CREB5: variants seen among roughly 807,000 people sequenced by gnomAD.
The protein encoded by CREB5 is cAMP responsive element binding protein 5, also known as cyclic AMP-responsive element-binding protein 5.
In CREB5, 19 loss-of-function variants were observed where a neutral mutation model predicts 57.1. That is an observed-to-expected ratio of 0.33 (90% confidence interval 0.23 to 0.49). The LOEUF (loss-of-function observed/expected upper bound fraction) is 0.49, where lower values mean the gene tolerates loss of function less well. Among genes scored for constraint, CREB5 ranks in the 20% least tolerant of loss-of-function variants. The probability of loss-of-function intolerance (pLI) is 0.99; values close to 1 mark genes in which losing one functional copy is unlikely to be tolerated. For synonymous variants in CREB5, 238 were observed against 238.3 expected (o/e 1.00, Z 0.01); for missense variants, 579 against 671.6 (o/e 0.86, Z 1.52).
chr7:28,630,219 C>T (rs28234), intron 5 of CREB5, among the ~76,000 whole-genome samples: 38,144 of 152,172 alleles, frequency 0.25, 4,914 homozygotes, highest in East Asian at 0.38. Context: ...TCAATCTCTT[C>T]TCCCAAATGA....
chr7:28,354,042 CA>C (rs1271705208), intron 1 of CREB5, among the ~76,000 whole-genome samples: 2 of 152,096 alleles, frequency 1.3e-5, no homozygotes, highest in Non-Finnish European at 2.9e-5. Flanking sequence ...GAATTTTTAG[CA>C]GAAGAGGGAC....
At position 28,603,419 on chromosome 7, in the gene CREB5, C is replaced by T. The variant is rs756617929; in HGVS notation, c.464+32882C>T. Among the ~76,000 whole-genome samples the T allele has an allele frequency of 6.6e-5, 10 of 152,288 alleles. 1 individual carries two copies. The highest frequency in any genetic ancestry group is 3.9e-4 in the Admixed American group (6 of 15,300). ...CCTATTTGTTGAGGCCTTTTGATCA[C>T]ATTGAAAGTAAAATTGGGCAGTCAC... On this transcript the variant is annotated intron_variant, in intron 5 of 10. Transcript: ENST00000357727.
In CREB5 at chr7:28,608,856, A is replaced by G. The variant is rs143939862; in HGVS notation, c.464+38319A>G. On this transcript the variant is annotated intron_variant, in intron 5 of 10. Transcript: ENST00000357727. ...CTAAGTATTGTCTGGCTCAAATAAGAGAAGAAGAGGATCATGACATTTCTT... is the reference window on the plus strand; with the variant it reads ...CTAAGTATTGTCTGGCTCAAATAAGGGAAGAAGAGGATCATGACATTTCTT... Among the ~76,000 whole-genome samples, 159 of 152,296 alleles carry G rather than the reference A, an allele frequency of 1.0e-3. 2 individuals carry two copies. Among genetic ancestry groups the G allele is most frequent in the African/African-American group, 3.5e-3 (147 of 41,578 alleles).
At chr7:28,348,436 AC>A (rs1786119159) in intron 1 of CREB5, among the ~76,000 whole-genome samples, 1 of 151,630 alleles carries the variant, frequency 6.6e-6, no homozygotes, top group Non-Finnish European at 1.5e-5. Context: ...ACACACACAC[AC>A]ACACACAGAC....
intron 5 of CREB5, among the ~76,000 whole-genome samples, chr7:28,677,781 C>T (rs923453777): frequency 2.6e-5 from 4 of 151,940 alleles, no homozygotes; most frequent in Non-Finnish European, 5.9e-5. Context: ...GGGAGGCTGA[C>T]GTGGGAATAT....
intron 1 of CREB5, among the ~76,000 whole-genome samples, chr7:28,389,030 T>A (rs919619685): frequency 6.6e-6 from 1 of 152,186 alleles, no homozygotes; most frequent in East Asian, 1.9e-4. Flanking sequence ...CCACTAATCA[T>A]GGAGAGGAAC....
chr7:28,658,742 T>C (rs1339471958), intron 5 of CREB5, among the ~76,000 whole-genome samples: 1 of 151,724 alleles, frequency 6.6e-6, no homozygotes, highest in Non-Finnish European at 1.5e-5. Flanking sequence ...CCATGTTGAG[T>C]CGCCAGTTTT....
chr7:28,519,759 GA>G (rs2128614756), intron 4 of CREB5, among the ~76,000 whole-genome samples: 1 of 152,260 alleles, frequency 6.6e-6, no homozygotes, highest in South Asian at 2.1e-4. Context: ...TATTTCGCAG[GA>G]AAAACATCTG....
At chr7:28,585,496 C>T (rs764478140) in intron 5 of CREB5, among the ~76,000 whole-genome samples, 9 of 152,166 alleles carry the variant, frequency 5.9e-5, no homozygotes, top group Non-Finnish European at 1.0e-4. Context: ...ATTTTCGTGA[C>T]CGATCAGAGT....
chr7:28,607,218 G>A (rs1290830407), intron 5 of CREB5, among the ~76,000 whole-genome samples: 3 of 152,200 alleles, frequency 2.0e-5, no homozygotes, highest in East Asian at 1.9e-4. Flanking sequence ...TACAGAGAGT[G>A]TAGCTGATTG....
At chr7:28,376,891 A>G (rs928622438) in intron 1 of CREB5, among the ~76,000 whole-genome samples, 1 of 152,192 alleles carries the variant, frequency 6.6e-6, no homozygotes, top group African/African-American at 2.4e-5. Flanking sequence ...CTTCTTAGAA[A>G]AGGTTGGCTG....
chr7:28,529,801 A>G (rs1275147048), intron 4 of CREB5, among the ~76,000 whole-genome samples: 1 of 152,162 alleles, frequency 6.6e-6, no homozygotes, highest in East Asian at 1.9e-4. Context: ...CCTCAACCCA[A>G]CTTCAAGACA....
At chr7:28,339,192 G>C (rs1478278325) in intron 1 of CREB5, among the ~76,000 whole-genome samples, 1 of 152,100 alleles carries the variant, frequency 6.6e-6, no homozygotes, top group Admixed American at 6.5e-5. Flanking sequence ...ATGTTTGTCA[G>C]TGTCTGGGAA....
At chr7:28,795,755 C>CTTTT (rs367853221) in intron 7 of CREB5, among the ~76,000 whole-genome samples, 17,376 of 137,274 alleles carry the variant, frequency 0.13, 1,340 homozygotes, top group African/African-American at 0.19. Flanking sequence ...GTTTTTCTTT[C>CTTTT]TTTTTTTTTT....
chr7:28,424,114 A>T (rs989531597), intron 1 of CREB5, among the ~76,000 whole-genome samples: 12 of 152,122 alleles, frequency 7.9e-5, no homozygotes, highest in Non-Finnish European at 1.5e-4. Context: ...TTCCCTTCGC[A>T]TATCTGTCTC....
chr7:28,629,948 C>G (rs1299950975), intron 5 of CREB5, among the ~76,000 whole-genome samples: 3 of 152,140 alleles, frequency 2.0e-5, no homozygotes, highest in Admixed American at 6.5e-5. Context: ...AACATGGACT[C>G]TCAATGTTGG....
At chr7:28,557,463 A>G (rs1217876675) in intron 4 of CREB5, among the ~76,000 whole-genome samples, 2 of 152,044 alleles carry the variant, frequency 1.3e-5, no homozygotes, top group East Asian at 1.9e-4. Context: ...AAATAGAACC[A>G]TTAGGTTTTC....
intron 5 of CREB5, among the ~76,000 whole-genome samples, chr7:28,583,302 A>G (rs1281157939): frequency 1.3e-5 from 2 of 152,232 alleles, no homozygotes; most frequent in Non-Finnish European, 2.9e-5. Flanking sequence ...TTAAAGATCA[A>G]TTTCCGGGAG....
intron 4 of CREB5, among the ~76,000 whole-genome samples, chr7:28,560,683 G>A (rs1392199995): frequency 6.6e-6 from 1 of 152,002 alleles, no homozygotes; most frequent in Non-Finnish European, 1.5e-5. Flanking sequence ...AGTTCAGCAG[G>A]ATCATGTGTT....
Sources: gnomAD v4.1 joint callset for allele counts (sites outside exome capture counted in the v4.1 genomes callset) on GRCh38, gnomAD v4.1.1 for gene constraint, MANE v1.5 for transcripts, NCBI Gene and HGNC (gene_info 2026-07-23, HGNC 2026-07-21) for gene names.